MDGA2: variants seen among roughly 807,000 people sequenced by gnomAD.
MDGA2 encodes the protein MAM domain containing glycosylphosphatidylinositol anchor 2, also known as MAM domain-containing glycosylphosphatidylinositol anchor protein 2.
Under a neutral mutation model 117.8 loss-of-function variants are expected in MDGA2, and 40 were observed. The observed-to-expected ratio is 0.34, with a 90% CI of 0.26 to 0.44. MDGA2 has a LOEUF of 0.44. Ranked by LOEUF, MDGA2 falls within the 20% of genes least tolerant of loss-of-function variation. The pLI, the probability that MDGA2 is intolerant of heterozygous loss-of-function variation, is 1.00. For synonymous variants in MDGA2, 452 were observed against 439.0 expected (o/e 1.03, Z -0.37); for missense variants, 1,123 against 1,250.6 (o/e 0.90, Z 1.54).
intron 8 of MDGA2, among the ~76,000 whole-genome samples, chr14:47,027,906 TA>T (rs1156324636): frequency 6.6e-6 from 1 of 152,000 alleles, no homozygotes; most frequent in East Asian, 1.9e-4. Context: ...CATGGAAAGA[TA>T]AAGTAAGATA....
chr14:47,633,309 C>T (rs1233035066), intron 1 of MDGA2, among the ~76,000 whole-genome samples: 1 of 152,148 alleles, frequency 6.6e-6, no homozygotes, highest in Non-Finnish European at 1.5e-5. Context: ...CCCATAAGAA[C>T]ACCAGTTAAA....
chr14:46,858,917 T>C (rs1881394185), intron 14 of MDGA2, among the ~76,000 whole-genome samples: 1 of 152,174 alleles, frequency 6.6e-6, no homozygotes, highest in African/African-American at 2.4e-5. Context: ...GCTGTAATCT[T>C]TCTCAGAAGG....
chr14:47,023,862 T>C (rs887714146), intron 8 of MDGA2, among the ~76,000 whole-genome samples: 1 of 152,158 alleles, frequency 6.6e-6, no homozygotes. Context: ...GCAATGACAG[T>C]TTGAGTCATT....
At chr14:47,028,097 T>C (rs1360902670) in intron 8 of MDGA2, among the ~76,000 whole-genome samples, 2 of 152,110 alleles carry the variant, frequency 1.3e-5, no homozygotes, top group Admixed American at 1.3e-4. Context: ...AAATAAGTGG[T>C]AAAACTAAGA....
At chr14:47,108,216 C>A (rs1364194877) in intron 5 of MDGA2, among the ~76,000 whole-genome samples, 1 of 152,164 alleles carries the variant, frequency 6.6e-6, no homozygotes, top group African/African-American at 2.4e-5. Flanking sequence ...CAGGGTACAG[C>A]CCATTTAAGG....
intron 8 of MDGA2, among the ~76,000 whole-genome samples, chr14:47,020,569 A>G (rs186426452): frequency 3.8e-4 from 57 of 148,408 alleles, no homozygotes; most frequent in African/African-American, 1.3e-3. Context: ...GTGTGTATGG[A>G]AAGAGAGAGG....
chr14:47,527,015 C>T (rs6572434), intron 1 of MDGA2, among the ~76,000 whole-genome samples: 64,313 of 151,874 alleles, frequency 0.42, 14,290 homozygotes, highest in East Asian at 0.6. Context: ...ACAGTATCAG[C>T]ATGCTCACTG....
At chr14:47,569,766 CTT>C (rs1019684555) in intron 1 of MDGA2, among the ~76,000 whole-genome samples, 54 of 152,280 alleles carry the variant, frequency 3.5e-4, no homozygotes, top group African/African-American at 1.2e-3. Context: ...ATAAATCAAA[CTT>C]AAGTATATTT....
At chr14:47,491,013 T>C (rs971335909) in intron 1 of MDGA2, among the ~76,000 whole-genome samples, 4 of 152,122 alleles carry the variant, frequency 2.6e-5, no homozygotes, top group Non-Finnish European at 5.9e-5. Context: ...AGAATTGGCC[T>C]TTGATACTCG....
intron 4 of MDGA2, among the ~76,000 whole-genome samples, chr14:47,140,890 T>C (rs962268617): frequency 1.3e-5 from 2 of 152,040 alleles, no homozygotes; most frequent in Non-Finnish European, 2.9e-5. Flanking sequence ...GAGAAAATAT[T>C]TGCAAACTAT....
At chr14:47,302,857 G>A (rs1322552628) in intron 1 of MDGA2, among the ~76,000 whole-genome samples, 1 of 152,006 alleles carries the variant, frequency 6.6e-6, no homozygotes, top group African/African-American at 2.4e-5. Context: ...TCAATTTCAG[G>A]CAGAAACTGG....
At chr14:47,103,238 G>A (rs1880442409) in intron 5 of MDGA2, among the ~76,000 whole-genome samples, 2 of 152,306 alleles carry the variant, frequency 1.3e-5, no homozygotes, top group African/African-American at 2.4e-5. Context: ...TCAAGGAATA[G>A]AAAAATATTT....
intron 1 of MDGA2, among the ~76,000 whole-genome samples, chr14:47,375,751 A>G (rs1891463368): frequency 6.6e-6 from 1 of 152,084 alleles, no homozygotes; most frequent in African/African-American, 2.4e-5. Context: ...CAATGGATTT[A>G]GAGTTTACAA....
chr14:47,463,009 T>TTGTGTG (rs113671829), intron 1 of MDGA2, among the ~76,000 whole-genome samples: 1 of 150,998 alleles, frequency 6.6e-6, no homozygotes, highest in African/African-American at 2.4e-5. Flanking sequence ...AAAGAAATCT[T>TTGTGTG]TGTGTGTGTG....
intron 15 of MDGA2, among the ~76,000 whole-genome samples, chr14:46,848,346 G>C (rs562843121): frequency 3.3e-5 from 5 of 152,018 alleles, no homozygotes; most frequent in East Asian, 1.9e-4. Context: ...CTTTCACTTA[G>C]TAAGTTCTTG....
chr14:47,644,676 T>C (rs1897491528), intron 1 of MDGA2, among the ~76,000 whole-genome samples: 1 of 151,814 alleles, frequency 6.6e-6, no homozygotes, highest in Non-Finnish European at 1.5e-5. Flanking sequence ...AATATTGTAC[T>C]GTAAATTTGA....
At chr14:47,151,170 A>T (rs1883149232) in intron 3 of MDGA2, among the ~76,000 whole-genome samples, 1 of 152,180 alleles carries the variant, frequency 6.6e-6, no homozygotes, top group Admixed American at 6.5e-5. Flanking sequence ...AAAAAGAGGG[A>T]TTAGGCAGTG....
At chr14:47,404,152 C>A (rs1892212220) in intron 1 of MDGA2, among the ~76,000 whole-genome samples, 1 of 151,548 alleles carries the variant, frequency 6.6e-6, no homozygotes, top group Non-Finnish European at 1.5e-5. Flanking sequence ...ATGAACATAG[C>A]AATGGGTGAG....
chr14:46,978,575 T>C (rs978187764), intron 8 of MDGA2, among the ~76,000 whole-genome samples: 1 of 152,088 alleles, frequency 6.6e-6, no homozygotes, highest in Non-Finnish European at 1.5e-5. Context: ...GAAGAAGCAA[T>C]GCACTTTTTA....
Sources: allele counts gnomAD v4.1 joint callset (sites outside exome capture counted in the v4.1 genomes callset), GRCh38; gene constraint gnomAD v4.1.1; transcripts MANE v1.5; gene names NCBI Gene and HGNC (gene_info 2026-07-23, HGNC 2026-07-21).